RNF169: variants seen among roughly 807,000 people sequenced by gnomAD.
RNF169 encodes E3 ubiquitin-protein ligase RNF169.
RNF169 carries 24 observed loss-of-function variants against 53.9 expected under a neutral mutation model. The ratio of observed to expected loss-of-function variants is 0.45; its 90% CI spans 0.32 to 0.63. The LOEUF (loss-of-function observed/expected upper bound fraction) is 0.63, where lower values mean the gene tolerates loss of function less well. RNF169 is among the 20% of genes least tolerant of loss of function. RNF169 has a pLI of 0.04. For missense variants in RNF169, 883 were observed against 906.2 expected (o/e 0.97, Z 0.33); for synonymous variants, 396 against 363.5 (o/e 1.09, Z -1.02).
chr11:74,821,311 T>G (rs1211535060), intron 4 of RNF169, among the ~76,000 whole-genome samples: 2 of 152,228 alleles, frequency 1.3e-5, no homozygotes, highest in African/African-American at 4.8e-5. Context: ...TGCATTATGT[T>G]AGGCCTTTTG....
At position 74,840,662 on chromosome 11, in the gene RNF169, C is replaced by T. The variant is rs1215256670; in HGVS notation, c.*3932C>T. The T allele has an allele frequency of 6.6e-6, 1 of 152,096 alleles. No individual in the cohort carries two copies. The highest frequency in any genetic ancestry group is 1.9e-4 in the East Asian group (1 of 5,186). 9.4% of individuals were successfully genotyped at this position (152,096 alleles called of 1,614,324 possible). ...CTTTCCTTTTTCCTGCCTAACTTTTCATTGAAATGTCTAGTAGGAGAGTGA... is the reference window on the plus strand; with the variant it reads ...CTTTCCTTTTTCCTGCCTAACTTTTTATTGAAATGTCTAGTAGGAGAGTGA... On this transcript the variant is annotated 3_prime_UTR_variant, in exon 6 of 6. Coordinates refer to ENST00000299563, the MANE Select transcript of RNF169 (RefSeq NM_001098638.2).
chr11:74,819,796 C>T (rs534128735), intron 4 of RNF169, among the ~76,000 whole-genome samples: 7 of 152,102 alleles, frequency 4.6e-5, no homozygotes, highest in Non-Finnish European at 1.0e-4. Flanking sequence ...CCTTCGAATG[C>T]TTTAGCAATA....
intron 1 of RNF169, among the ~76,000 whole-genome samples, chr11:74,758,321 T>A (rs1303880404): frequency 1.4e-5 from 2 of 146,508 alleles, no homozygotes; most frequent in Non-Finnish European, 3.0e-5. Context: ...GTATGCGGCG[T>A]TATTTCTGAG....
chr11:74,753,501 T>TA (rs1251757367), intron 1 of RNF169, among the ~76,000 whole-genome samples: 1 of 152,232 alleles, frequency 6.6e-6, no homozygotes, highest in Non-Finnish European at 1.5e-5. Flanking sequence ...ACAGGATTAC[T>TA]AGGTTGGCAC....
At chr11:74,771,200 A>T (rs866743222) in intron 1 of RNF169, among the ~76,000 whole-genome samples, 1 of 152,154 alleles carries the variant, frequency 6.6e-6, no homozygotes, top group Non-Finnish European at 1.5e-5. Context: ...CATCACTTAA[A>T]GTAGATTTGG....
chr11:74,788,993 G>A (rs2035544175), intron 1 of RNF169, among the ~76,000 whole-genome samples: 1 of 152,156 alleles, frequency 6.6e-6, no homozygotes, highest in Non-Finnish European at 1.5e-5. Flanking sequence ...GCTTCGCCAT[G>A]CACTAGCTCT....
At chr11:74,793,726 AATAAGCTTAT>A (rs1427584298) in intron 2 of RNF169, among the ~76,000 whole-genome samples, 9 of 152,146 alleles carry the variant, frequency 5.9e-5, no homozygotes, top group Non-Finnish European at 1.3e-4. Flanking sequence ...TCATTCTGTG[AATAAGCTTAT>A]ATTTCTAAAT....
chr11:74,832,905 A>G (rs1255870157), intron 4 of RNF169, among the ~76,000 whole-genome samples: 1 of 152,190 alleles, frequency 6.6e-6, no homozygotes, highest in African/African-American at 2.4e-5. Flanking sequence ...CAATATTTTT[A>G]AAAGTAAACT....
intron 4 of RNF169, among the ~76,000 whole-genome samples, chr11:74,824,367 A>C (rs2036062036): frequency 6.6e-6 from 1 of 152,208 alleles, no homozygotes; most frequent in South Asian, 2.1e-4. Flanking sequence ...GAGCCTAAGA[A>C]ATCTGTGAAA....
chr11:74,791,835 T>G (rs373413646), intron 2 of RNF169, among the ~76,000 whole-genome samples: 8 of 152,146 alleles, frequency 5.3e-5, no homozygotes, highest in Admixed American at 2.0e-4. Flanking sequence ...CTCTTCAACT[T>G]GTAAGAGGGC....
intron 2 of RNF169, among the ~76,000 whole-genome samples, chr11:74,797,186 A>T (rs1474113577): frequency 6.6e-6 from 1 of 152,204 alleles, no homozygotes; most frequent in Admixed American, 6.5e-5. Context: ...TTGTGAAGGG[A>T]TATTTTAAAG....
At chr11:74,804,360 C>A (rs1464272935) in intron 2 of RNF169, among the ~76,000 whole-genome samples, 2 of 152,192 alleles carry the variant, frequency 1.3e-5, no homozygotes, top group Non-Finnish European at 2.9e-5. Flanking sequence ...TGTAAAATAA[C>A]AATTTGTGAA....
At chr11:74,759,071 A>G (rs1407530458) in intron 1 of RNF169, among the ~76,000 whole-genome samples, 2 of 147,008 alleles carry the variant, frequency 1.4e-5, no homozygotes, top group Non-Finnish European at 3.0e-5. Flanking sequence ...CTTTGAAGCA[A>G]TTGTGAATGG....
At chr11:74,816,473 C>T (rs1173034815) in intron 3 of RNF169, among the ~76,000 whole-genome samples, 2 of 152,098 alleles carry the variant, frequency 1.3e-5, no homozygotes, top group African/African-American at 4.8e-5. Context: ...TAAAGACATA[C>T]CTCTAAGATG....
intron 1 of RNF169, among the ~76,000 whole-genome samples, chr11:74,779,466 C>T (rs1186998706): frequency 3.9e-5 from 6 of 152,254 alleles, no homozygotes; most frequent in African/African-American, 1.2e-4. Flanking sequence ...CTGTTGTAAA[C>T]TGTTACTTGT....
rs865904154 is a variant in RNF169 at position 74,761,424 on chromosome 11, T to G, written c.502+12042T>G. ...CCTAGTCTCGATGGTCTTTACATTTTGGCATGATTTTGCAGCAGCTGGTAC... is the reference window on the plus strand; with the variant it reads ...CCTAGTCTCGATGGTCTTTACATTTGGGCATGATTTTGCAGCAGCTGGTAC... On this transcript the variant is annotated intron_variant, in intron 1 of 5. Transcript: ENST00000299563. Among the ~76,000 whole-genome samples, 135 of 148,732 alleles carry G rather than the reference T, an allele frequency of 9.1e-4. 2 individuals are homozygous for G. Among genetic ancestry groups the G allele is most frequent in the African/African-American group, 2.7e-3 (109 of 40,184 alleles).
intron 2 of RNF169, among the ~76,000 whole-genome samples, chr11:74,800,640 A>G (rs911865062): frequency 1.3e-5 from 2 of 152,216 alleles, no homozygotes; most frequent in Non-Finnish European, 2.9e-5. Flanking sequence ...ATCTAGCACA[A>G]AGTAATCCCT....
intron 1 of RNF169, among the ~76,000 whole-genome samples, chr11:74,788,330 C>T (rs1313932586): frequency 6.6e-6 from 1 of 151,598 alleles, no homozygotes; most frequent in Non-Finnish European, 1.5e-5. Flanking sequence ...CACACGACCA[C>T]ATTAATTTTA....
intron 2 of RNF169, among the ~76,000 whole-genome samples, chr11:74,791,724 G>T (rs577747459): frequency 1.1e-4 from 17 of 152,348 alleles, no homozygotes; most frequent in African/African-American, 3.8e-4. Context: ...GTGAGAGTGG[G>T]GGATGGAGGT....
Sources: gnomAD v4.1 joint callset for allele counts (sites outside exome capture counted in the v4.1 genomes callset) on GRCh38, gnomAD v4.1.1 for gene constraint, MANE v1.5 for transcripts, NCBI Gene and HGNC (gene_info 2026-07-23, HGNC 2026-07-21) for gene names.